P2RY12: variants seen among roughly 807,000 people sequenced by gnomAD.
The protein encoded by P2RY12 is P2Y purinoceptor 12.
In P2RY12, 3 loss-of-function variants were observed where a neutral mutation model predicts 4.5. The ratio of observed to expected loss-of-function variants is 0.67; its 90% confidence interval spans 0.31 to 1.74. The LOEUF is 1.74. Ranked by LOEUF, P2RY12 falls within the 40% of genes most tolerant of loss-of-function variation. P2RY12 has a pLI of 0.09. For missense variants in P2RY12, 356 were observed against 407.8 expected (o/e 0.87, Z 1.09); for synonymous variants, 148 against 154.1 (o/e 0.96, Z 0.29).
rs1313067948 is a variant in P2RY12, at chr3:151,338,871, AAG to A, written c.-14-14_-14-13del. 1.2e-6 allele frequency: 2 copies of A among 1,607,964 alleles called. No individual in the cohort carries two copies. Among genetic ancestry groups the A allele is most frequent in the Admixed American group, 1.7e-5 (1 of 59,830 alleles). On this transcript the variant is annotated splice_polypyrimidine_tract_variant and intron_variant, in intron 2 of 2. Transcript: ENST00000302632. ...TTCTTGTTGGTTACCTAGAGAACAA[AAG>A]AGAGGATGGTTATTTTCAGCCTAAG... is the stretch of plus-strand genomic sequence containing the variant.
At chr3:151,381,953 A>G (rs6787801) in intron 1 of P2RY12, among the ~76,000 whole-genome samples, 75,763 of 152,008 alleles carry the variant, frequency 0.5, 18,976 homozygotes, top group Middle Eastern at 0.57. Flanking sequence ...TCAGAGCATG[A>G]TAGGGTTTTT....
chr3:151,358,632 C>A (rs183903311), intron 1 of P2RY12, among the ~76,000 whole-genome samples: 171 of 151,986 alleles, frequency 1.1e-3, no homozygotes, highest in African/African-American at 4.1e-3. Flanking sequence ...TTAGTTTGGC[C>A]TTGAAAATTT....
chr3:151,350,396 A>G (rs577587685), intron 1 of P2RY12, among the ~76,000 whole-genome samples: 1 of 152,204 alleles, frequency 6.6e-6, no homozygotes, highest in South Asian at 2.1e-4. Context: ...CCCTTGTATT[A>G]AAATATTAAT....
rs752154675 is a variant in P2RY12 at position 151,338,048 on chromosome 3, A to G, written c.798T>C (p.Asp266=). The change falls in exon 3 of 3, where the codon GAT becomes GAC. Residue 266 remains aspartate, a synonymous_variant. Transcript: ENST00000302632. The part of the protein sequence containing the change: ...RIPYTLSQTR[D]VFDCTAENTL... Reference sequence around the variant, plus strand: ...TATTTTCAGCAGTGCAGTCAAAGACATCCCGGGTTTGGCTCAGGGTGTAAG... The same window carrying G: ...TATTTTCAGCAGTGCAGTCAAAGACGTCCCGGGTTTGGCTCAGGGTGTAAG... The G allele has an allele frequency of 6.2e-7, 1 of 1,614,124 alleles. No individual in the cohort carries two copies. The highest frequency in any genetic ancestry group is 1.1e-5 in the South Asian group (1 of 91,086).
At chr3:151,349,597 T>C (rs2150015352) in intron 1 of P2RY12, among the ~76,000 whole-genome samples, 1 of 152,136 alleles carries the variant, frequency 6.6e-6, no homozygotes, top group South Asian at 2.1e-4. Flanking sequence ...GAATATTTTT[T>C]ATAAAGGTGT....
chr3:151,384,025 G>T, intron 1 of P2RY12: 1 of 1,551,266 alleles, frequency 6.4e-7, no homozygotes, highest in Non-Finnish European at 8.8e-7. Flanking sequence ...AAAATACTCA[G>T]TTAAATAAGT....
Position 151,337,848 on chromosome 3 carries a change from C to T in P2RY12, c.998G>A (p.Gly333Asp). 1.2e-6 allele frequency: 2 copies of T among 1,614,082 alleles called. No individual in the cohort carries two copies. The highest frequency in any genetic ancestry group is 2.2e-5 in the South Asian group (2 of 91,084). The change falls in exon 3 of 3, where the codon GGT becomes GAT. Residue 333 changes from glycine to aspartate, a missense_variant. Gly to Asp is a moderately conservative substitution (Grantham distance 94). Coordinates refer to ENST00000302632, the MANE Select transcript of P2RY12 (RefSeq NM_022788.5). The part of the protein sequence containing the change: ...SQDNRKKEQD[G>D]GDPNEETPM ...TGGAGTCTCTTCATTTGGGTCACCACCATCCTGTTCTTTTTTCCTATTGTC... is the reference window on the plus strand; with the variant it reads ...TGGAGTCTCTTCATTTGGGTCACCATCATCCTGTTCTTTTTTCCTATTGTC...
chr3:151,363,653 AGAAG>A (rs1158412701), intron 1 of P2RY12, among the ~76,000 whole-genome samples: 16 of 152,222 alleles, frequency 1.1e-4, no homozygotes, highest in African/African-American at 3.6e-4. Flanking sequence ...AAGAGAGTGT[AGAAG>A]ATTGTAATTG....
intron 1 of P2RY12, chr3:151,365,956 G>C (rs780010525): frequency 1.1e-5 from 17 of 1,612,662 alleles, no homozygotes; most frequent in Non-Finnish European, 1.4e-5. Context: ...TTCAAATCAC[G>C]TGTGGGGGTT....
chr3:151,344,832 T>C (rs559646644), intron 1 of P2RY12, among the ~76,000 whole-genome samples: 1 of 152,186 alleles, frequency 6.6e-6, no homozygotes, highest in Non-Finnish European at 1.5e-5. Context: ...ATTGTTGAAA[T>C]ATCAGAAAAT....
chr3:151,368,624 TATTTTATTTCATTTC>T (rs1337258461), intron 1 of P2RY12, among the ~76,000 whole-genome samples: 1,361 of 85,308 alleles, frequency 0.016, 14 homozygotes, highest in African/African-American at 0.031. Flanking sequence ...TATTTTATTT[TATTTTATTTCATTTC>T]ATTTCATTTC....
intron 1 of P2RY12, among the ~76,000 whole-genome samples, chr3:151,369,870 T>C (rs2107991599): frequency 6.6e-6 from 1 of 152,280 alleles, no homozygotes; most frequent in African/African-American, 2.4e-5. Context: ...AATCACACTT[T>C]GTGAGAGACA....
chr3:151,339,097 G>A (rs918780913), intron 2 of P2RY12, among the ~76,000 whole-genome samples: 1 of 152,118 alleles, frequency 6.6e-6, no homozygotes, highest in Non-Finnish European at 1.5e-5. Context: ...TAGATGCTTA[G>A]TATTTTTTTA....
chr3:151,371,608 A>G (rs558466977), intron 1 of P2RY12, among the ~76,000 whole-genome samples: 1 of 152,296 alleles, frequency 6.6e-6, no homozygotes, highest in Non-Finnish European at 1.5e-5. Flanking sequence ...TGGGTTTTAA[A>G]AGGCTTTTTC....
At chr3:151,354,629 G>A (rs149245961) in intron 1 of P2RY12, among the ~76,000 whole-genome samples, 33 of 152,220 alleles carry the variant, frequency 2.2e-4, no homozygotes, top group East Asian at 1.9e-3. Flanking sequence ...GTTTATAAAG[G>A]CACTTTTTAT....
At chr3:151,383,123 C>T (rs1424854986) in intron 1 of P2RY12, among the ~76,000 whole-genome samples, 2 of 152,196 alleles carry the variant, frequency 1.3e-5, no homozygotes, top group Non-Finnish European at 2.9e-5. Context: ...TCCAACTTTC[C>T]ATCAAATTGA....
chr3:151,338,901 A>G, intron 2 of P2RY12, 42 bp from the exon 3 acceptor site: 1 of 1,561,310 alleles, frequency 6.4e-7, no homozygotes, highest in Non-Finnish European at 8.8e-7. Flanking sequence ...AGCCTAAGGT[A>G]GTTATTATTG....
intron 1 of P2RY12, among the ~76,000 whole-genome samples, chr3:151,368,633 TCA>T (rs1461101209): frequency 0.22 from 9,420 of 43,374 alleles, 393 homozygotes; most frequent in Middle Eastern, 0.33. Context: ...TTATTTTATT[TCA>T]TTTCATTTCA....
intron 1 of P2RY12, chr3:151,355,078 TC>T: frequency 6.9e-7 from 1 of 1,439,948 alleles, no homozygotes; most frequent in East Asian, 2.3e-5. Context: ...GTCGAGAGCT[TC>T]TATTAAATGG....
Sources: gnomAD v4.1 joint callset for allele counts (sites outside exome capture counted in the v4.1 genomes callset) on GRCh38, gnomAD v4.1.1 for gene constraint, MANE v1.5 for transcripts, NCBI Gene and HGNC (gene_info 2026-07-23, HGNC 2026-07-21) for gene names.